INO80D: variants seen among roughly 807,000 people sequenced by gnomAD.
The protein encoded by INO80D is INO80 complex subunit D.
Under a neutral mutation model 87.6 loss-of-function variants are expected in INO80D, and 21 were observed. That is an observed-to-expected ratio of 0.24 (90% confidence interval 0.17 to 0.35). INO80D has a LOEUF of 0.35. Among genes scored for constraint, INO80D ranks in the 10% least tolerant of loss-of-function variants. INO80D has a pLI of 1.00. For synonymous variants in INO80D, 440 were observed against 491.0 expected (o/e 0.90, Z 1.37); for missense variants, 982 against 1,280.7 (o/e 0.77, Z 3.56).
At chr2:206,078,517 C>T (rs1475229962) in intron 1 of INO80D, among the ~76,000 whole-genome samples, 1 of 152,140 alleles carries the variant, frequency 6.6e-6, no homozygotes, top group Non-Finnish European at 1.5e-5. Context: ...ATATGAAGGC[C>T]GGGGGTGGTG....
chr2:206,023,018 G>A (rs914527181), intron 6 of INO80D, among the ~76,000 whole-genome samples: 3 of 152,110 alleles, frequency 2.0e-5, no homozygotes, highest in Admixed American at 1.3e-4. Context: ...GGCCAACATG[G>A]TGAAATCCTG....
At chr2:206,059,672 GCTTT>G (rs1401827679) in intron 3 of INO80D, among the ~76,000 whole-genome samples, 3 of 152,098 alleles carry the variant, frequency 2.0e-5, no homozygotes, top group Non-Finnish European at 4.4e-5. Flanking sequence ...TTAAGAAAAA[GCTTT>G]CTTTGTCATG....
At chr2:206,071,667 A>G (rs1380395814) in intron 1 of INO80D, among the ~76,000 whole-genome samples, 1 of 151,102 alleles carries the variant, frequency 6.6e-6, no homozygotes, top group Non-Finnish European at 1.5e-5. Flanking sequence ...ATGTTTCTGC[A>G]ATGTTACTTT....
intron 1 of INO80D, chr2:206,084,682 A>G (rs550928851): frequency 1.3e-5 from 2 of 152,356 alleles, no homozygotes; most frequent in South Asian, 4.2e-4. Context: ...TGCTCCCTAC[A>G]TCTTCCTCTC....
intron 5 of INO80D, among the ~76,000 whole-genome samples, chr2:206,032,689 T>G (rs1356157402): frequency 5.3e-5 from 8 of 150,364 alleles, no homozygotes; most frequent in Non-Finnish European, 3.0e-5. Flanking sequence ...AAAACAATTA[T>G]CAGCCAAGAA....
At chr2:206,019,899 G>T in intron 6 of INO80D, 54 bp from the exon 7 acceptor site, 1 of 1,397,424 alleles carries the variant, frequency 7.2e-7, no homozygotes. Flanking sequence ...AAGAATCCAG[G>T]GTAATTTTTC....
At chr2:206,005,642 T>C (rs940442549) in intron 10 of INO80D, 109 bp from the exon 11 acceptor site, 28 of 916,390 alleles carry the variant, frequency 3.1e-5, no homozygotes, top group Non-Finnish European at 4.5e-5. Context: ...AGAGTCCCTC[T>C]TGAAAAGAAA....
At chr2:206,080,482 C>A (rs1690245594) in intron 1 of INO80D, among the ~76,000 whole-genome samples, 5 of 152,104 alleles carry the variant, frequency 3.3e-5, no homozygotes, top group Admixed American at 3.3e-4. Flanking sequence ...ATATACTGCA[C>A]AATTTTTTAC....
intron 7 of INO80D, among the ~76,000 whole-genome samples, chr2:206,019,361 G>T (rs1181804675): frequency 6.6e-6 from 1 of 152,176 alleles, no homozygotes; most frequent in African/African-American, 2.4e-5. Flanking sequence ...GTAAAACTGT[G>T]TAACTGTCTT....
At position 206,000,992 on chromosome 2, in the gene INO80D, A is replaced by C. The variant is rs1177599185; in HGVS notation, c.*3376T>G. 1 of 152,200 alleles carries C rather than the reference A, an allele frequency of 6.6e-6. No homozygotes were observed. The highest frequency in any genetic ancestry group is 1.5e-5 in the Non-Finnish European group (1 of 68,044). The allele number at this position is 152,200 out of a possible 1,614,324, so 9.4% of individuals were successfully genotyped here. A position where few individuals can be genotyped will look rare whatever the true frequency, so the allele number is the denominator to read the frequency against. On this transcript the variant is annotated 3_prime_UTR_variant, in exon 11 of 11. Transcript: ENST00000403263. ...CACACATGGTAGGTCACCAGAGAAA[A>C]TAATCCTTTGCTGTCTAAGCTATGT...
intron 3 of INO80D, among the ~76,000 whole-genome samples, chr2:206,058,140 G>T (rs896522111): frequency 6.6e-6 from 1 of 152,160 alleles, no homozygotes; most frequent in Non-Finnish European, 1.5e-5. Flanking sequence ...ACCTATAAAG[G>T]CCGGGCACAA....
chr2:206,081,836 T>C (rs1455950946), intron 1 of INO80D, among the ~76,000 whole-genome samples: 1 of 151,804 alleles, frequency 6.6e-6, no homozygotes, highest in Non-Finnish European at 1.5e-5. Context: ...ATTAATACTA[T>C]TATGGGCCAA....
At chr2:206,023,412 A>C (rs2105824569) in intron 6 of INO80D, among the ~76,000 whole-genome samples, 1 of 152,176 alleles carries the variant, frequency 6.6e-6, no homozygotes, top group Non-Finnish European at 1.5e-5. Context: ...GGCTGGGCGC[A>C]GTGGCTCATG....
At position 206,036,099 on chromosome 2, in the gene INO80D, G is replaced by A. The variant is rs573882545; in HGVS notation, c.1074-7764C>T. On this transcript the variant is annotated intron_variant, in intron 5 of 10. Coordinates refer to ENST00000403263, the MANE Select transcript of INO80D (RefSeq NM_017759.5). ...AAAAAATCAAAAATCAGTAGATGTT[G>A]GCATGGATGTGGTGATCAGGGAACA... is the stretch of plus-strand genomic sequence containing the variant. Among the ~76,000 whole-genome samples the A allele has an allele frequency of 4.6e-5, 7 of 152,198 alleles. No individual in the cohort carries two copies. The South Asian group carries it at 1.0e-3, about 23-fold the overall frequency.
Position 206,056,664 on chromosome 2 carries a change from C to T in INO80D, c.498G>A (p.Val166=). ...CCAACTTGCTCTGCAACTTCTTTCT[C>T]ACAGTTGCCCCTTTCTTTAGGTCAT... ...EDDDLKKGAT[V]RKKLQSKLAQ... Residue 166 remains valine (V), a synonymous_variant, in exon 4 of 11, where the codon GTG becomes GTA. Transcript: ENST00000403263. 1 of 1,613,228 alleles carries T rather than the reference C, an allele frequency of 6.2e-7. No homozygotes were observed. The highest frequency in any genetic ancestry group is 8.5e-7 in the Non-Finnish European group (1 of 1,179,560).
chr2:206,041,631 T>C (rs532921667), intron 5 of INO80D, among the ~76,000 whole-genome samples: 1 of 152,306 alleles, frequency 6.6e-6, no homozygotes, highest in South Asian at 2.1e-4. Context: ...TCTCAGTAAT[T>C]GATATAACAA....
chr2:206,084,930 A>G (rs1236188953), intron 1 of INO80D, among the ~76,000 whole-genome samples: 1 of 152,182 alleles, frequency 6.6e-6, no homozygotes, highest in Admixed American at 6.5e-5. Context: ...AAACCGGAAG[A>G]GAAGGCCCTC....
chr2:206,038,608 G>A (rs1422638022), intron 5 of INO80D, among the ~76,000 whole-genome samples: 1 of 152,144 alleles, frequency 6.6e-6, no homozygotes, highest in Non-Finnish European at 1.5e-5. Context: ...GAGGTGGGAG[G>A]ATAGCTTAAA....
chr2:206,076,818 C>T (rs1413275539), intron 1 of INO80D, among the ~76,000 whole-genome samples: 1 of 152,148 alleles, frequency 6.6e-6, no homozygotes, highest in Non-Finnish European at 1.5e-5. Flanking sequence ...TCTGGTTTTG[C>T]TAATTACTAA....
Sources: allele counts gnomAD v4.1 joint callset (sites outside exome capture counted in the v4.1 genomes callset), GRCh38; gene constraint gnomAD v4.1.1; transcripts MANE v1.5; gene names NCBI Gene and HGNC (gene_info 2026-07-23, HGNC 2026-07-21).